The following SDK1 variants were observed in gnomAD, a reference collection of about 807,000 sequenced individuals.
SDK1 encodes the protein sidekick cell adhesion molecule 1.
SDK1 carries 157 observed loss-of-function variants against 245.5 expected under a neutral mutation model. The observed-to-expected ratio is 0.64, with a 90% CI of 0.56 to 0.73. SDK1 has a LOEUF of 0.73. SDK1 is among the 30% of genes least tolerant of loss of function. The pLI is 0.00. For missense variants in SDK1, 3,583 were observed against 3,002.3 expected (o/e 1.19, Z -4.52); for synonymous variants, 1,647 against 1,278.5 (o/e 1.29, Z -6.15).
At chr7:3,315,365 G>C (rs1779639254) in intron 1 of SDK1, among the ~76,000 whole-genome samples, 1 of 151,612 alleles carries the variant, frequency 6.6e-6, no homozygotes, top group Non-Finnish European at 1.5e-5. Flanking sequence ...GTCCAGAGAA[G>C]TTAAGGTCAC....
chr7:3,583,948 G>C (rs113033378), intron 1 of SDK1, among the ~76,000 whole-genome samples: 178 of 152,244 alleles, frequency 1.2e-3, no homozygotes, highest in African/African-American at 4.1e-3. Context: ...AGCAGACCAG[G>C]AAGGAATAAG....
chr7:4,267,412 C>G lies in SDK1; in HGVS notation c.*2028C>G, dbSNP rs1461604744. On this transcript the variant is annotated 3_prime_UTR_variant, in exon 45 of 45. Transcript: ENST00000404826. The stretch of plus-strand genomic sequence containing the variant: ...AACCAAAAATCCTAGATGCTCTGCC[C>G]AAAGCCACTTCTGCATGAGAATCGC... The G allele has an allele frequency of 1.0e-6, 1 of 985,270 alleles. No homozygotes were observed. The highest frequency in any genetic ancestry group is 4.7e-5 in the South Asian group (1 of 21,282). The allele number at this position is 985,270 out of a possible 1,614,324, so 61.0% of individuals were successfully genotyped here.
chr7:3,502,658 C>T (rs955441875), intron 1 of SDK1, among the ~76,000 whole-genome samples: 1 of 152,130 alleles, frequency 6.6e-6, no homozygotes, highest in African/African-American at 2.4e-5. Context: ...TAAGTATACA[C>T]TTATATTTTT....
intron 5 of SDK1, among the ~76,000 whole-genome samples, chr7:3,884,363 C>T (rs34787825): frequency 0.016 from 2,499 of 152,176 alleles, 35 homozygotes; most frequent in Non-Finnish European, 0.026. Context: ...AAAAGGAGTT[C>T]CATGGGTTTG....
chr7:3,635,853 A>G (rs1191486530), intron 2 of SDK1, among the ~76,000 whole-genome samples: 1 of 152,026 alleles, frequency 6.6e-6, no homozygotes, highest in Non-Finnish European at 1.5e-5. Context: ...TTACAGGCTC[A>G]CACCACCACA....
chr7:4,169,630 T>C (rs902215514), intron 32 of SDK1, among the ~76,000 whole-genome samples: 1 of 152,204 alleles, frequency 6.6e-6, no homozygotes, highest in South Asian at 2.1e-4. Context: ...ATCTCCTAGA[T>C]GCAATGAGAC....
intron 1 of SDK1, among the ~76,000 whole-genome samples, chr7:3,512,964 T>G (rs1210319523): frequency 6.6e-6 from 1 of 152,174 alleles, no homozygotes; most frequent in African/African-American, 2.4e-5. Context: ...TAAACAATAT[T>G]GCCATTGAGA....
At chr7:3,981,559 A>G (rs559086282) in intron 13 of SDK1, among the ~76,000 whole-genome samples, 17 of 152,336 alleles carry the variant, frequency 1.1e-4, no homozygotes, top group African/African-American at 4.1e-4. Context: ...GTGAATGCAA[A>G]GGGAAAGTTA....
At chr7:3,412,455 C>T (rs1779236322) in intron 1 of SDK1, among the ~76,000 whole-genome samples, 1 of 152,170 alleles carries the variant, frequency 6.6e-6, no homozygotes, top group African/African-American at 2.4e-5. Context: ...GCAGCTCCTG[C>T]TTTTTTTGTT....
intron 41 of SDK1, among the ~76,000 whole-genome samples, chr7:4,237,282 CA>C (rs1786231089): frequency 6.6e-6 from 1 of 151,762 alleles, no homozygotes; most frequent in Non-Finnish European, 1.5e-5. Flanking sequence ...TGTTTTTAAA[CA>C]GATGAAATTA....
intron 5 of SDK1, among the ~76,000 whole-genome samples, chr7:3,853,902 T>G (rs1213837101): frequency 6.6e-6 from 1 of 152,092 alleles, no homozygotes; most frequent in African/African-American, 2.4e-5. Context: ...GGCAGGAGAA[T>G]TGCTTGAACT....
chr7:4,115,347 G>A (rs1783632717), intron 25 of SDK1, among the ~76,000 whole-genome samples: 1 of 152,182 alleles, frequency 6.6e-6, no homozygotes, highest in African/African-American at 2.4e-5. Context: ...CCTTTGTCCA[G>A]ACATGGGATG....
chr7:4,261,453 G>C (rs1254831885), intron 44 of SDK1, among the ~76,000 whole-genome samples: 1 of 152,014 alleles, frequency 6.6e-6, no homozygotes, highest in Non-Finnish European at 1.5e-5. Context: ...CGGATTGGCA[G>C]TTTTCCTTCT....
intron 5 of SDK1, among the ~76,000 whole-genome samples, chr7:3,902,336 A>G (rs1781819018): frequency 6.6e-6 from 1 of 152,144 alleles, no homozygotes; most frequent in Non-Finnish European, 1.5e-5. Context: ...CTGATTCCCC[A>G]TCACATTAAT....
chr7:3,326,117 AG>A (rs1779934801), intron 1 of SDK1, among the ~76,000 whole-genome samples: 1 of 152,260 alleles, frequency 6.6e-6, no homozygotes, highest in East Asian at 1.9e-4. Flanking sequence ...CTAATGGCTT[AG>A]TGTTTATAAA....
chr7:4,080,238 G>A (rs914994502), intron 22 of SDK1, among the ~76,000 whole-genome samples: 11 of 152,064 alleles, frequency 7.2e-5, no homozygotes, highest in African/African-American at 2.4e-4. Flanking sequence ...AGTGGACTCC[G>A]CCGAGAGACT....
In SDK1 at chr7:3,483,347, ATGT is replaced by A. The variant is rs538364435; in HGVS notation, c.299-135730_299-135728del. On this transcript the variant is annotated intron_variant, in intron 1 of 44. Transcript: ENST00000404826. ...TAGTTTTATACCCACTTTTCCATTT[ATGT>A]TGCTCTTTCCTATTAAATGCTTAAA... Among the ~76,000 whole-genome samples, 17 of 152,124 alleles carry A rather than the reference ATGT, an allele frequency of 1.1e-4. No homozygotes were observed. The East Asian group carries it at 3.3e-3, about 29-fold the overall frequency.
intron 38 of SDK1, among the ~76,000 whole-genome samples, chr7:4,217,355 A>AACCACGCCACCCGGAGC (rs1784872621): frequency 4.3e-5 from 1 of 23,358 alleles, no homozygotes; most frequent in Admixed American, 4.2e-4. Context: ...CCACCCGGAG[A>AACCACGCCACCCGGAGC]ACCAGGCCAC....
intron 44 of SDK1, among the ~76,000 whole-genome samples, chr7:4,263,553 GGGGAGGCCGCGTAGACCTCTCCTGAGTGA>G (rs1788207599): frequency 1.3e-5 from 1 of 79,828 alleles, no homozygotes; most frequent in Non-Finnish European, 2.6e-5. Context: ...CCTCCTGAGT[GGGGAGGCCGCGTAGACCTCTCCTGAGTGA>G]GGGAGGCCGC....
Sources: allele counts gnomAD v4.1 joint callset (sites outside exome capture counted in the v4.1 genomes callset), GRCh38; gene constraint gnomAD v4.1.1; transcripts MANE v1.5; gene names NCBI Gene and HGNC (gene_info 2026-07-23, HGNC 2026-07-21).